Variants in EXOC2 observed in about 807,000 individuals in gnomAD.
EXOC2 encodes exocyst complex component 2.
EXOC2 carries 70 observed loss-of-function variants against 131.8 expected under a neutral mutation model. The ratio of observed to expected loss-of-function variants is 0.53; its 90% CI spans 0.44 to 0.65. The LOEUF (loss-of-function observed/expected upper bound fraction) is 0.65, where lower values mean the gene tolerates loss of function less well. Ranked by LOEUF, EXOC2 falls within the 30% of genes least tolerant of loss-of-function variation. EXOC2 has a pLI of 0.00. For synonymous variants in EXOC2, 411 were observed against 398.4 expected, an observed-to-expected ratio of 1.03 and a Z score of -0.38; for missense variants, 923 against 1,108.6, an observed-to-expected ratio of 0.83 and a Z score of 2.38.
intron 7 of EXOC2, among the ~76,000 whole-genome samples, chr6:601,370 CCA>C (rs746753951): frequency 0.032 from 19 of 590 alleles, no homozygotes; most frequent in Middle Eastern, 0.5. Flanking sequence ...GTGTGCGAAT[CCA>C]CACACATTCT....
chr6:497,148 A>T (rs1763791241), intron 25 of EXOC2, among the ~76,000 whole-genome samples: 1 of 152,242 alleles, frequency 6.6e-6, no homozygotes, highest in African/African-American at 2.4e-5. Context: ...ATAATTTGGC[A>T]GAAGTCTTTA....
At chr6:687,343 GCTAA>G (rs1198336816) in intron 1 of EXOC2, among the ~76,000 whole-genome samples, 2 of 151,702 alleles carry the variant, frequency 1.3e-5, no homozygotes, top group South Asian at 2.1e-4. Flanking sequence ...ACCACACTCG[GCTAA>G]CTTTTTTCTA....
chr6:537,173 T>C (rs79797707), intron 22 of EXOC2, among the ~76,000 whole-genome samples: 326 of 132,328 alleles, frequency 2.5e-3, no homozygotes, highest in African/African-American at 3.5e-3. Context: ...AGCGTACACT[T>C]GAGTTGACGA....
chr6:634,435 A>G (rs1460416487), intron 2 of EXOC2, among the ~76,000 whole-genome samples: 2 of 152,154 alleles, frequency 1.3e-5, no homozygotes, highest in Non-Finnish European at 2.9e-5. Context: ...GTTCAGCACT[A>G]AGGTTTAGCA....
chr6:687,293 AC>A (rs1764708009), intron 1 of EXOC2, among the ~76,000 whole-genome samples: 2 of 138,428 alleles, frequency 1.4e-5, no homozygotes, highest in East Asian at 4.6e-4. Flanking sequence ...TGATCCTCCC[AC>A]TTCAGCCTCC....
At chr6:572,722 C>A in intron 12 of EXOC2, 78 bp from the exon 13 acceptor site, 5 of 1,517,362 alleles carry the variant, frequency 3.3e-6, no homozygotes, top group Non-Finnish European at 4.4e-6. Flanking sequence ...GGCGCACCCC[C>A]CTCCACTCCC....
chr6:642,467 A>T (rs1762398048), intron 1 of EXOC2, among the ~76,000 whole-genome samples: 1 of 152,080 alleles, frequency 6.6e-6, no homozygotes, highest in African/African-American at 2.4e-5. Flanking sequence ...GTGTGTACTG[A>T]GTTAGTGGCT....
chr6:513,341 C>T (rs996455016), intron 23 of EXOC2, among the ~76,000 whole-genome samples: 1 of 152,214 alleles, frequency 6.6e-6, no homozygotes, highest in South Asian at 2.1e-4. Flanking sequence ...AATGATCTGC[C>T]GAACCTGTTT....
intron 21 of EXOC2, among the ~76,000 whole-genome samples, chr6:551,893 G>A (rs1158637444): frequency 2.0e-5 from 3 of 152,196 alleles, no homozygotes; most frequent in Non-Finnish European, 2.9e-5. Context: ...CTCTGCTACT[G>A]GTGAGCCCAT....
At chr6:593,495 T>G (rs1759655878) in intron 10 of EXOC2, among the ~76,000 whole-genome samples, 1 of 152,216 alleles carries the variant, frequency 6.6e-6, no homozygotes, top group South Asian at 2.1e-4. Flanking sequence ...TAAATATTCT[T>G]AAAATATATC....
At chr6:628,437 G>C (rs1457557095) in intron 4 of EXOC2, among the ~76,000 whole-genome samples, 2 of 152,284 alleles carry the variant, frequency 1.3e-5, no homozygotes, top group East Asian at 1.9e-4. Context: ...AGCAGCAACA[G>C]GAATAATAAA....
intron 6 of EXOC2, among the ~76,000 whole-genome samples, chr6:616,612 A>AAAAAG: frequency 6.6e-6 from 1 of 151,248 alleles, no homozygotes; most frequent in Non-Finnish European, 1.5e-5. Context: ...CAAAAAAAAA[A>AAAAAG]AAAAAAAAAA....
At chr6:487,942 C>T (rs746191016) in intron 27 of EXOC2, among the ~76,000 whole-genome samples, 15 of 152,262 alleles carry the variant, frequency 9.9e-5, no homozygotes, top group African/African-American at 1.4e-4. Flanking sequence ...ACATATGAAA[C>T]GTAGCAGTGA....
At chr6:521,190 T>G (rs1401899844) in intron 23 of EXOC2, among the ~76,000 whole-genome samples, 1 of 73,854 alleles carries the variant, frequency 1.4e-5, no homozygotes, top group African/African-American at 5.0e-5. Context: ...TGACTGCCAA[T>G]ACTCACCGTC....
chr6:559,084 T>C (rs541283302), intron 17 of EXOC2, among the ~76,000 whole-genome samples: 1 of 152,324 alleles, frequency 6.6e-6, no homozygotes, highest in African/African-American at 2.4e-5. Context: ...CCAATTTAGA[T>C]GACTGTCAAA....
intron 20 of EXOC2, among the ~76,000 whole-genome samples, chr6:554,827 T>C (rs772981334): frequency 5.9e-5 from 9 of 152,220 alleles, no homozygotes; most frequent in Non-Finnish European, 1.2e-4. Flanking sequence ...ATGTGTCCAC[T>C]GGAGCTCCAA....
chr6:560,824 C>T (rs1276990474), intron 17 of EXOC2, among the ~76,000 whole-genome samples: 1 of 151,882 alleles, frequency 6.6e-6, no homozygotes, highest in Non-Finnish European at 1.5e-5. Flanking sequence ...TCCCCTGTCT[C>T]AGCCTCCCAG....
At chr6:688,738 G>C (rs1764780313) in intron 1 of EXOC2, among the ~76,000 whole-genome samples, 1 of 152,088 alleles carries the variant, frequency 6.6e-6, no homozygotes, top group Non-Finnish European at 1.5e-5. Context: ...ACCACTCCTT[G>C]TATATTCCCT....
intron 2 of EXOC2, among the ~76,000 whole-genome samples, chr6:634,305 G>A (rs1017142855): frequency 2.0e-5 from 3 of 152,088 alleles, no homozygotes; most frequent in East Asian, 1.9e-4. Flanking sequence ...GGCTGGTCTC[G>A]AACTCCTGGC....
Sources: allele counts gnomAD v4.1 joint callset (sites outside exome capture counted in the v4.1 genomes callset), GRCh38; gene constraint gnomAD v4.1.1; transcripts MANE v1.5; gene names NCBI Gene and HGNC (gene_info 2026-07-23, HGNC 2026-07-21).